LRGUK: variants seen among roughly 807,000 people sequenced by gnomAD.
The protein encoded by LRGUK is leucine-rich repeat and guanylate kinase domain-containing protein.
Under a neutral mutation model 76.0 loss-of-function variants are expected in LRGUK, and 65 were observed. The observed-to-expected ratio is 0.85, with a 90% CI of 0.70 to 1.05. The LOEUF is 1.05. Ranked by LOEUF, LRGUK falls within the 50% of genes least tolerant of loss-of-function variation. The pLI is 0.00. For synonymous variants in LRGUK, 268 were observed against 265.6 expected, an observed-to-expected ratio of 1.01 and a Z score of -0.09; for missense variants, 758 against 732.8, an observed-to-expected ratio of 1.03 and a Z score of -0.40.
intron 1 of LRGUK, among the ~76,000 whole-genome samples, chr7:134,134,359 T>C (rs563742945): frequency 2.6e-5 from 4 of 152,214 alleles, no homozygotes; most frequent in African/African-American, 9.6e-5. Flanking sequence ...AGTAAAGAAT[T>C]GTGCATGTGT....
At chr7:134,249,224 G>T in intron 18 of LRGUK, 148 bp downstream of exon 18, 1 of 859,578 alleles carries the variant, frequency 1.2e-6, no homozygotes, top group Non-Finnish European at 1.7e-6. Context: ...AGTAGACCCT[G>T]CCCCTCTATG....
intron 16 of LRGUK, among the ~76,000 whole-genome samples, chr7:134,244,638 C>A (rs1442966173): frequency 6.6e-6 from 1 of 152,202 alleles, no homozygotes; most frequent in African/African-American, 2.4e-5. Context: ...TTGTGGAAGA[C>A]AGTGTGGTGA....
chr7:134,265,635 T>C (rs1170596145), downstream of LRGUK, among the ~76,000 whole-genome samples: 4 of 152,198 alleles, frequency 2.6e-5, no homozygotes, highest in Non-Finnish European at 5.9e-5. Context: ...CCCTACCCTG[T>C]CAGCAAAGGC....
chr7:134,210,082 G>A (rs1020805175), exon 16 of LRGUK: 7 of 399,128 alleles, frequency 1.8e-5, no homozygotes, highest in Non-Finnish European at 3.1e-5. Flanking sequence ...CAGGGGCTAG[G>A]GAAAAAAAGC....
At chr7:134,211,073 C>T (rs1369891548), downstream of LRGUK, among the ~76,000 whole-genome samples, 1 of 152,246 alleles carries the variant, frequency 6.6e-6, no homozygotes, top group Non-Finnish European at 1.5e-5. Flanking sequence ...CACTGGCTTC[C>T]TCCTGAACCC....
chr7:134,214,775 AACACACACACACACACACACACACAC>A (rs56096728), downstream of LRGUK, among the ~76,000 whole-genome samples: 1 of 146,746 alleles, frequency 6.8e-6, no homozygotes. Flanking sequence ...ATTAAATTTA[AACACACACACACACACACACACACAC>A]ACACACACAC....
chr7:134,186,542 G>A (rs1244018157), intron 11 of LRGUK, among the ~76,000 whole-genome samples: 1 of 152,206 alleles, frequency 6.6e-6, no homozygotes, highest in African/African-American at 2.4e-5. Flanking sequence ...TGAATTAATG[G>A]CATGGTGTGC....
chr7:134,161,275 G>A lies in LRGUK; in HGVS notation c.796-2122G>A, dbSNP rs529574164. Reference sequence around the variant, plus strand: ...AATAGGCTATTGGGGTCTTATTGCAGTATGTTAAATTAATATGGATATGAC... The same window carrying A: ...AATAGGCTATTGGGGTCTTATTGCAATATGTTAAATTAATATGGATATGAC... On this transcript the variant is annotated intron_variant, in intron 6 of 15. Transcript: ENST00000645682. Among the ~76,000 whole-genome samples, 4 of 152,222 alleles carry A rather than the reference G, an allele frequency of 2.6e-5. No individual in the cohort carries two copies. The South Asian group carries it at 8.3e-4, about 32-fold the overall frequency.
At chr7:134,134,243 G>A (rs1473715701) in intron 1 of LRGUK, among the ~76,000 whole-genome samples, 1 of 152,074 alleles carries the variant, frequency 6.6e-6, no homozygotes, top group East Asian at 1.9e-4. Context: ...AGCAATTGTG[G>A]GATTAGAGAG....
exon 16 of LRGUK, chr7:134,209,534 C>G: frequency 7.5e-6 from 3 of 399,196 alleles, no homozygotes; most frequent in Middle Eastern, 6.3e-4. Flanking sequence ...TCCTAGAAGC[C>G]GGCTGGCTCC....
intron 15 of LRGUK, among the ~76,000 whole-genome samples, chr7:134,220,740 TG>T (rs1203612874): frequency 6.6e-6 from 1 of 152,104 alleles, no homozygotes; most frequent in African/African-American, 2.4e-5. Context: ...GGCTAATTTT[TG>T]TATTTTTTTG....
rs539101951 is a variant in LRGUK at position 134,151,710 on chromosome 7, A to C, written c.670+3391A>C. Reference sequence around the variant, plus strand: ...ACCACCAAATTGGGTTTTTCTCAGGAATGTATGGAGAGTTTAATATTAGAA... The same window carrying C: ...ACCACCAAATTGGGTTTTTCTCAGGCATGTATGGAGAGTTTAATATTAGAA... On this transcript the variant is annotated intron_variant, in intron 5 of 15. Coordinates refer to ENST00000645682, the Ensembl canonical transcript of LRGUK. 7.2e-5 allele frequency among the ~76,000 whole-genome samples: 11 copies of C among 152,204 alleles called. 1 individual carries two copies. The East Asian group carries it at 1.9e-3, about 27-fold the overall frequency.
exon 20 of LRGUK, chr7:134,264,550 T>TA (rs556480143): frequency 9.8e-4 from 149 of 152,356 alleles, no homozygotes; most frequent in Middle Eastern, 3.4e-3. Context: ...GTTCTTGACT[T>TA]ACTTTAGCAA....
At chr7:134,264,284 C>CT in exon 20 of LRGUK, 1 of 204,556 alleles carries the variant, frequency 4.9e-6, no homozygotes, top group Non-Finnish European at 9.6e-6. Context: ...TTTTTTCCAC[C>CT]TGCTCCCTGC....
At chr7:134,160,470 G>C (rs1207293396) in intron 6 of LRGUK, among the ~76,000 whole-genome samples, 1 of 152,062 alleles carries the variant, frequency 6.6e-6, no homozygotes, top group Non-Finnish European at 1.5e-5. Flanking sequence ...TATAAAATTT[G>C]TTTCAATAGT....
intron 19 of LRGUK, among the ~76,000 whole-genome samples, chr7:134,263,403 C>G (rs1015563413): frequency 1.4e-5 from 2 of 142,178 alleles, no homozygotes; most frequent in Non-Finnish European, 3.0e-5. Context: ...CTTCACTTCA[C>G]TGTGTGTGTG....
Position 134,147,784 on chromosome 7 carries a change from G to A in LRGUK, c.589-454G>A, listed in dbSNP as rs111597562. On this transcript the variant is annotated intron_variant, in intron 4 of 15. Coordinates refer to ENST00000645682, the Ensembl canonical transcript of LRGUK. ...CCAGTTAGAAAATGATTAAATGATC[G>A]GGTGTGGTGGCTCATGCCTGTAATC... Among the ~76,000 whole-genome samples the A allele has an allele frequency of 1.4e-3, 207 of 152,164 alleles. 1 individual carries two copies. The highest frequency in any genetic ancestry group is 4.8e-3 in the African/African-American group (199 of 41,516).
chr7:134,182,017 C>T (rs1301505578), intron 10 of LRGUK, among the ~76,000 whole-genome samples: 1 of 152,174 alleles, frequency 6.6e-6, no homozygotes, highest in Non-Finnish European at 1.5e-5. Context: ...CTCATCTTCC[C>T]TAACCCCTGG....
At chr7:134,174,805 T>C (rs1206316184) in intron 8 of LRGUK, among the ~76,000 whole-genome samples, 169 bp downstream of exon 8, 1 of 152,136 alleles carries the variant, frequency 6.6e-6, no homozygotes, top group Non-Finnish European at 1.5e-5. Context: ...GTACCTAAAG[T>C]GACAATTTTT....
Sources: allele counts gnomAD v4.1 joint callset (sites outside exome capture counted in the v4.1 genomes callset), GRCh38; gene constraint gnomAD v4.1.1; transcripts MANE v1.5; gene names NCBI Gene and HGNC (gene_info 2026-07-23, HGNC 2026-07-21).